The following ASB3 variants were observed in gnomAD, a reference collection of about 807,000 sequenced individuals.
ASB3 encodes the protein ankyrin repeat and SOCS box containing 3.
Under a neutral mutation model 54.5 loss-of-function variants are expected in ASB3, and 41 were observed. That is an observed-to-expected ratio of 0.75 (90% CI 0.59 to 0.98). The LOEUF is 0.98. Ranked by LOEUF, ASB3 falls within the 50% of genes least tolerant of loss-of-function variation. The pLI is 0.00. For missense variants in ASB3, 733 were observed against 620.0 expected (o/e 1.18, Z -1.94); for synonymous variants, 266 against 221.2 (o/e 1.20, Z -1.80).
chr2:53,700,779 G>A (rs1572867228), intron 7 of ASB3, among the ~76,000 whole-genome samples: 1 of 152,042 alleles, frequency 6.6e-6, no homozygotes, highest in East Asian at 1.9e-4. Context: ...CATCTTAAAT[G>A]TCATTTTAAA....
intron 1 of ASB3, chr2:53,771,829 T>A: frequency 1.3e-6 from 1 of 787,584 alleles, no homozygotes; most frequent in Non-Finnish European, 2.2e-6. Context: ...ATATTCCATG[T>A]CAAAAATGTT....
chr2:53,763,043 A>G (rs1461960308), intron 2 of ASB3, among the ~76,000 whole-genome samples: 1 of 152,186 alleles, frequency 6.6e-6, no homozygotes, highest in African/African-American at 2.4e-5. Context: ...GGAATCTCTG[A>G]CAGTGTATTA....
chr2:53,776,913 C>T (rs996725865), intron 1 of ASB3, among the ~76,000 whole-genome samples: 1 of 152,160 alleles, frequency 6.6e-6, no homozygotes, highest in Non-Finnish European at 1.5e-5. Flanking sequence ...AGAATTTTAA[C>T]TCTTCCAAAG....
intron 2 of ASB3, among the ~76,000 whole-genome samples, chr2:53,758,716 T>C (rs1672974548): frequency 6.6e-6 from 1 of 152,158 alleles, no homozygotes; most frequent in African/African-American, 2.4e-5. Flanking sequence ...TGGGTAGTTG[T>C]ACACCCTGGA....
intron 1 of ASB3, among the ~76,000 whole-genome samples, chr2:53,781,529 CTT>C (rs937185405): frequency 6.6e-6 from 1 of 151,750 alleles, no homozygotes; most frequent in African/African-American, 2.4e-5. Context: ...GAGTTTCACT[CTT>C]GTTGCCCAGT....
At chr2:53,776,701 C>T (rs952534483) in intron 1 of ASB3, among the ~76,000 whole-genome samples, 7 of 152,000 alleles carry the variant, frequency 4.6e-5, no homozygotes, top group Non-Finnish European at 7.4e-5. Flanking sequence ...CACCTGTAGG[C>T]CCAGCTACTC....
chr2:53,704,990 T>G (rs1016452533), intron 7 of ASB3, among the ~76,000 whole-genome samples: 1 of 152,200 alleles, frequency 6.6e-6, no homozygotes, highest in Non-Finnish European at 1.5e-5. Context: ...TTATTTCACA[T>G]TGACCTGTGA....
intron 1 of ASB3, among the ~76,000 whole-genome samples, chr2:53,778,618 A>G (rs1406354104): frequency 6.6e-6 from 1 of 152,212 alleles, no homozygotes; most frequent in Admixed American, 6.5e-5. Flanking sequence ...GATTAAATAT[A>G]TAAGTAAGCA....
intron 2 of ASB3, among the ~76,000 whole-genome samples, chr2:53,752,039 A>C (rs928237340): frequency 6.6e-6 from 1 of 152,240 alleles, no homozygotes; most frequent in Admixed American, 6.5e-5. Context: ...GTGAATACAA[A>C]TGACATGAAA....
intron 7 of ASB3, among the ~76,000 whole-genome samples, chr2:53,706,456 T>C (rs561453242): frequency 1.3e-5 from 2 of 152,242 alleles, no homozygotes; most frequent in African/African-American, 4.8e-5. Flanking sequence ...TCTTTTTTTT[T>C]TTGTTTTTTG....
chr2:53,772,332 G>A (rs1162222382), intron 1 of ASB3, among the ~76,000 whole-genome samples: 3 of 152,022 alleles, frequency 2.0e-5, no homozygotes, highest in Non-Finnish European at 4.4e-5. Context: ...CCGCCACCAT[G>A]TCTGGCTAAT....
intron 7 of ASB3, among the ~76,000 whole-genome samples, chr2:53,710,617 A>C (rs1433804392): frequency 6.6e-6 from 1 of 152,220 alleles, no homozygotes; most frequent in Non-Finnish European, 1.5e-5. Context: ...GTCTTGTTAT[A>C]ATCCTTTGAA....
chr2:53,768,031 C>T (rs1673612267), intron 1 of ASB3: 1 of 1,612,302 alleles, frequency 6.2e-7, no homozygotes, highest in Non-Finnish European at 8.5e-7. Context: ...GGTGAGGCGC[C>T]GGTCAGCTCC....
At chr2:53,705,043 A>G (rs1389026222) in intron 7 of ASB3, among the ~76,000 whole-genome samples, 1 of 152,182 alleles carries the variant, frequency 6.6e-6, no homozygotes, top group Non-Finnish European at 1.5e-5. Context: ...ATTTTTGACA[A>G]AATTCCCACA....
chr2:53,775,404 G>A (rs7586686), intron 1 of ASB3, among the ~76,000 whole-genome samples: 25,427 of 151,772 alleles, frequency 0.17, 2,602 homozygotes, highest in African/African-American at 0.29. Context: ...TGCAGCCTGC[G>A]TCTGGCCATC....
At chr2:53,684,043 G>T (rs1236421384) in intron 9 of ASB3, among the ~76,000 whole-genome samples, 1 of 152,022 alleles carries the variant, frequency 6.6e-6, no homozygotes, top group African/African-American at 2.4e-5. Context: ...TGCATCATTA[G>T]GTTATTTGGA....
chr2:53,700,993 A>C (rs1169150882), intron 7 of ASB3, among the ~76,000 whole-genome samples: 3 of 152,194 alleles, frequency 2.0e-5, no homozygotes, highest in African/African-American at 7.2e-5. Context: ...TTATTTTTCT[A>C]GATACAGGGT....
At chr2:53,699,135 G>A (rs1669344237) in intron 8 of ASB3, among the ~76,000 whole-genome samples, 1 of 152,156 alleles carries the variant, frequency 6.6e-6, no homozygotes, top group African/African-American at 2.4e-5. Context: ...ACATGGCAGA[G>A]GTCATCACTC....
intron 9 of ASB3, among the ~76,000 whole-genome samples, chr2:53,672,412 G>A (rs1219166493): frequency 6.6e-6 from 1 of 152,154 alleles, no homozygotes; most frequent in African/African-American, 2.4e-5. Context: ...GAAGACACAG[G>A]TAAAGGGGCC....
Sources: gnomAD v4.1 joint callset for allele counts (sites outside exome capture counted in the v4.1 genomes callset) on GRCh38, gnomAD v4.1.1 for gene constraint, MANE v1.5 for transcripts, NCBI Gene and HGNC (gene_info 2026-07-23, HGNC 2026-07-21) for gene names.